Variants in HUWE1 observed in about 807,000 individuals in gnomAD.
HUWE1 encodes the protein E3 ubiquitin-protein ligase HUWE1.
A neutral mutation model predicts 299.4 loss-of-function variants in HUWE1; 18 were observed. That is an observed-to-expected ratio of 0.06 (90% CI 0.04 to 0.09). The LOEUF is 0.09. HUWE1 is among the 10% of genes least tolerant of loss of function. The pLI is 1.00. For missense variants in HUWE1, 1,832 were observed against 3,462.3 expected, an observed-to-expected ratio of 0.53 and a Z score of 11.82; for synonymous variants, 1,317 against 1,286.1, an observed-to-expected ratio of 1.02 and a Z score of -0.51.
intron 39 of HUWE1, 131 bp from the exon 40 acceptor site, chrX:53,585,319 C>A (rs1337464552): frequency 1.9e-5 from 12 of 636,148 alleles, no homozygotes; most frequent in Non-Finnish European, 7.4e-6. Flanking sequence ...ATTTTAAAAA[C>A]CAAAAGAACA....
intron 23 of HUWE1, among the ~76,000 whole-genome samples, chrX:53,613,498 C>CTCATATAATATTATATGAGGGAG (rs1312668327): frequency 9.0e-6 from 1 of 111,652 alleles, no homozygotes; most frequent in Non-Finnish European, 1.9e-5. Flanking sequence ...GAGTGCAGGA[C>CTCATATAATATTATATGAGGGAG]TGTCCAGAAA....
intron 3 of HUWE1, among the ~76,000 whole-genome samples, chrX:53,670,827 T>C (rs1380753172): frequency 1.8e-5 from 2 of 111,769 alleles, no homozygotes; most frequent in Non-Finnish European, 3.8e-5. Context: ...TGTCTATGTA[T>C]ATACGTGTAC....
intron 78 of HUWE1, chrX:53,537,332 T>C (rs998699164): frequency 2.3e-5 from 10 of 438,838 alleles, no homozygotes; most frequent in South Asian, 6.5e-5. Flanking sequence ...GACTTTCCTG[T>C]CTGTCTGGGA....
Position 53,608,890 on chromosome X carries a change from G to A in HUWE1, c.2281C>T (p.Arg761Cys). 1 of 1,167,024 alleles carries A rather than the reference G, an allele frequency of 8.6e-7. No homozygotes were observed. Among genetic ancestry groups the A allele is most frequent in the Non-Finnish European group, 1.2e-6 (1 of 854,609 alleles). Residue 761 changes from arginine to cysteine, a missense_variant, in exon 24 of 84, where the codon CGT becomes TGT. By Grantham distance (180) the Arg-to-Cys change is radical. Transcript: ENST00000262854. Reference sequence around the variant, plus strand: ...TAATCCATGAGGGGAATAGGAATACGTTCCTCTGTACCAACAACCCTGTTA... The same window carrying A: ...TAATCCATGAGGGGAATAGGAATACATTCCTCTGTACCAACAACCCTGTTA... ...PNQQVVGTEE[R>C]IPIPLMDYIL...
chrX:53,565,306 C>T (rs2062470787), intron 49 of HUWE1, 67 bp from the exon 50 acceptor site: 7 of 922,280 alleles, frequency 7.6e-6, no homozygotes, highest in Non-Finnish European at 9.2e-6. Context: ...TTCTAAATGA[C>T]ACTAAGCTTC....
chrX:53,629,698 G>C (rs2066744600), intron 12 of HUWE1, 82 bp from the exon 13 acceptor site: 2 of 583,511 alleles, frequency 3.4e-6, no homozygotes, highest in Non-Finnish European at 5.8e-6. Context: ...GGTATCTATA[G>C]GTTCTGGGGA....
At chrX:53,562,789 G>A in intron 53 of HUWE1, 42 bp downstream of exon 53, 3 of 1,058,890 alleles carry the variant, frequency 2.8e-6, no homozygotes, top group Non-Finnish European at 4.0e-6. Context: ...TGTCAGACGT[G>A]CAGGGCAAGA....
At chrX:53,591,628 A>G (rs1179494535) in intron 33 of HUWE1, among the ~76,000 whole-genome samples, 1 of 112,179 alleles carries the variant, frequency 8.9e-6, no homozygotes, top group African/African-American at 3.2e-5. Flanking sequence ...AGAATGACCA[A>G]TTAGTAAAAA....
chrX:53,554,145 C>A (rs1413942211), intron 61 of HUWE1, among the ~76,000 whole-genome samples: 3 of 111,441 alleles, frequency 2.7e-5, no homozygotes, highest in Non-Finnish European at 5.6e-5. Context: ...TCTAGTTCAA[C>A]CACTTACAGA....
At chrX:53,618,260 T>G (rs1203054543) in intron 19 of HUWE1, among the ~76,000 whole-genome samples, 1 of 108,779 alleles carries the variant, frequency 9.2e-6, no homozygotes, top group African/African-American at 3.4e-5. Context: ...CTATAGAAAA[T>G]AGAGCAATAA....
chrX:53,560,467 T>C (rs1479550117), intron 55 of HUWE1, 51 bp from the exon 56 acceptor site: 26 of 1,084,826 alleles, frequency 2.4e-5, no homozygotes, highest in Non-Finnish European at 3.3e-5. Context: ...ATTTCTTCCA[T>C]GTTTGTTCAA....
intron 19 of HUWE1, among the ~76,000 whole-genome samples, chrX:53,623,494 T>C (rs186134838): frequency 4.3e-4 from 48 of 112,194 alleles, no homozygotes; most frequent in African/African-American, 1.4e-3. Context: ...CCTGACAAAA[T>C]TGACAAAACC....
chrX:53,579,420 C>A (rs2063488879), intron 43 of HUWE1, among the ~76,000 whole-genome samples: 2 of 111,532 alleles, frequency 1.8e-5, no homozygotes, highest in South Asian at 7.6e-4. Flanking sequence ...AGCCCCTCTG[C>A]CCGGCCACGA....
At position 53,648,237 on chromosome X, in the gene HUWE1, T is replaced by C; in HGVS notation, c.119A>G (p.Gln40Arg). ...NDEQLLLELQQIKTWNIGKCE... is the reference protein window; with the variant it reads ...NDEQLLLELQRIKTWNIGKCE... ...CTTTCCAATGTTCCATGTTTTGATC[T>C]GCTGCAGTTCCAAGAGAAGTTGCTC... The change falls in exon 5 of 84, where the codon CAG becomes CGG. Residue 40 changes from glutamine (Q) to arginine (R), a missense_variant. Physicochemically the swap from Gln to Arg is conservative, Grantham distance 43. Around this residue, in one of 15 missense-constraint regions of HUWE1, gnomAD observed 658 missense variants for 1,282.6 expected, o/e 0.51. Coordinates refer to ENST00000262854, the MANE Select transcript of HUWE1 (RefSeq NM_031407.7). The C allele has an allele frequency of 8.3e-7, 1 of 1,202,414 alleles. No homozygotes were observed. The highest frequency in any genetic ancestry group is 1.1e-6 in the Non-Finnish European group (1 of 886,938).
chrX:53,552,132 T>C (rs1228713957), intron 63 of HUWE1, among the ~76,000 whole-genome samples, 179 bp downstream of exon 63: 1 of 111,598 alleles, frequency 9.0e-6, no homozygotes, highest in Non-Finnish European at 1.9e-5. Context: ...CAAGATCAGT[T>C]TGACTCCTAA....
intron 49 of HUWE1, among the ~76,000 whole-genome samples, chrX:53,565,777 G>A (rs1168974845): frequency 9.1e-6 from 1 of 109,937 alleles, no homozygotes; most frequent in African/African-American, 3.3e-5. Flanking sequence ...GACTACAGGC[G>A]TGAGCCACCA....
chrX:53,553,149 T>A (rs782049945), intron 61 of HUWE1, among the ~76,000 whole-genome samples: 1 of 110,799 alleles, frequency 9.0e-6, no homozygotes, highest in Non-Finnish European at 1.9e-5. Context: ...GTAAGGGATT[T>A]TTTTTTGGCA....
chrX:53,538,784 C>A (rs782819816), intron 76 of HUWE1, 51 bp downstream of exon 76: 1 of 1,106,209 alleles, frequency 9.0e-7, no homozygotes, highest in South Asian at 1.9e-5. Flanking sequence ...ATGAAACAAT[C>A]CTGTTTAAAA....
At chrX:53,669,925 A>T (rs1433110204) in intron 3 of HUWE1, among the ~76,000 whole-genome samples, 1 of 112,521 alleles carries the variant, frequency 8.9e-6, no homozygotes, top group Non-Finnish European at 1.9e-5. Context: ...TTTTGTTTCA[A>T]TCTTTTTAAA....
Sources: allele counts gnomAD v4.1 joint callset (sites outside exome capture counted in the v4.1 genomes callset), GRCh38; gene constraint gnomAD v4.1.1; regional missense constraint gnomAD v4.1.1; transcripts MANE v1.5; gene names NCBI Gene and HGNC (gene_info 2026-07-23, HGNC 2026-07-21).